SGCE: variants seen among roughly 807,000 people sequenced by gnomAD.
The protein encoded by SGCE is epsilon-sarcoglycan.
A neutral mutation model predicts 57.8 loss-of-function variants in SGCE; 26 were observed. That is an observed-to-expected ratio of 0.45 (90% CI 0.33 to 0.62). The LOEUF is 0.62. Among genes scored for constraint, SGCE ranks in the 20% least tolerant of loss-of-function variants. The pLI, the probability that SGCE is intolerant of heterozygous loss-of-function variation, is 0.02. For synonymous variants in SGCE, 183 were observed against 189.5 expected (o/e 0.97, Z 0.28); for missense variants, 468 against 548.6 (o/e 0.85, Z 1.47).
At chr7:94,590,708 G>T (rs1225583073) in intron 9 of SGCE, 1 of 152,144 alleles carries the variant, frequency 6.6e-6, no homozygotes, top group Non-Finnish European at 1.5e-5. Flanking sequence ...ATAAATGTGA[G>T]GTTGCCTGGG....
At chr7:94,632,542 A>G (rs1301186771) in intron 1 of SGCE, among the ~76,000 whole-genome samples, 4 of 152,124 alleles carry the variant, frequency 2.6e-5, no homozygotes, top group Non-Finnish European at 5.9e-5. Context: ...CTTTAAGTAT[A>G]GTATGCCATT....
intron 1 of SGCE, among the ~76,000 whole-genome samples, chr7:94,644,182 A>C (rs1461771465): frequency 6.6e-6 from 1 of 152,240 alleles, no homozygotes; most frequent in African/African-American, 2.4e-5. Flanking sequence ...CCAGGATATC[A>C]CTGTACATAA....
chr7:94,618,469 C>G, intron 5 of SGCE: 1 of 309,538 alleles, frequency 3.2e-6, no homozygotes, highest in Non-Finnish European at 5.9e-6. Flanking sequence ...ATTCATGGCC[C>G]TAAATAATCA....
At chr7:94,642,741 C>A (rs1806569544) in intron 1 of SGCE, among the ~76,000 whole-genome samples, 1 of 152,170 alleles carries the variant, frequency 6.6e-6, no homozygotes, top group African/African-American at 2.4e-5. Flanking sequence ...AATATCCCAA[C>A]TAGAAGGACA....
intron 8 of SGCE, 126 bp downstream of exon 8, chr7:94,599,570 AC>A: frequency 1.3e-6 from 1 of 792,900 alleles, no homozygotes. Context: ...AGCAGCTTTC[AC>A]ATTTATGAAA....
chr7:94,614,945 A>G (rs761081516), intron 5 of SGCE, among the ~76,000 whole-genome samples: 12 of 152,238 alleles, frequency 7.9e-5, no homozygotes, highest in Non-Finnish European at 1.2e-4. Flanking sequence ...TTTTTTTGTT[A>G]TAAAAATTGA....
chr7:94,631,323 C>G (rs561773694), intron 1 of SGCE, among the ~76,000 whole-genome samples: 15 of 151,272 alleles, frequency 9.9e-5, no homozygotes, highest in Non-Finnish European at 1.9e-4. Context: ...CAGTTTGATA[C>G]CACAATGTAC....
chr7:94,628,079 A>G, intron 3 of SGCE, 123 bp downstream of exon 3: 1 of 721,046 alleles, frequency 1.4e-6, no homozygotes, highest in Non-Finnish European at 2.4e-6. Flanking sequence ...CCATGCACAA[A>G]ATATTAAAAA....
intron 10 of SGCE, chr7:94,587,352 T>G (rs1212390579): frequency 8.8e-6 from 9 of 1,024,410 alleles, no homozygotes; most frequent in Non-Finnish European, 1.1e-5. Context: ...ATACTCAAAA[T>G]AAATATTTAC....
intron 5 of SGCE, among the ~76,000 whole-genome samples, chr7:94,605,252 A>C (rs1056551672): frequency 6.6e-6 from 1 of 152,156 alleles, no homozygotes; most frequent in Admixed American, 6.6e-5. Flanking sequence ...CTAATGAATA[A>C]AGTGAAACTA....
chr7:94,612,403 A>G (rs1439872228), intron 5 of SGCE, among the ~76,000 whole-genome samples: 2 of 152,188 alleles, frequency 1.3e-5, no homozygotes, highest in Non-Finnish European at 2.9e-5. Flanking sequence ...ATTTTAATCT[A>G]ATTGCAATAA....
At chr7:94,618,986 C>A in intron 4 of SGCE, 30 bp from the exon 5 acceptor site, 12 of 1,441,680 alleles carry the variant, frequency 8.3e-6, no homozygotes, top group Non-Finnish European at 1.2e-5. Flanking sequence ...GCATGCATAT[C>A]TTTAATGAAG....
intron 4 of SGCE, 81 bp downstream of exon 4, chr7:94,623,244 T>G: frequency 1.2e-6 from 1 of 858,680 alleles, no homozygotes; most frequent in Non-Finnish European, 1.8e-6. Context: ...TTTAAAATTC[T>G]TGACTATATT....
intron 1 of SGCE, 45 bp from the exon 2 acceptor site, chr7:94,629,886 A>T: frequency 6.2e-7 from 1 of 1,605,622 alleles, no homozygotes. Context: ...ACAAATAATG[A>T]GATACGCCCT....
chr7:94,643,381 G>A (rs1025498590), intron 1 of SGCE, among the ~76,000 whole-genome samples: 3 of 152,198 alleles, frequency 2.0e-5, no homozygotes, highest in African/African-American at 7.2e-5. Context: ...TTGAATTGGT[G>A]TCTCAATTGT....
intron 9 of SGCE, chr7:94,590,122 G>A (rs928449264): frequency 1.3e-5 from 2 of 152,100 alleles, no homozygotes; most frequent in Non-Finnish European, 2.9e-5. Flanking sequence ...ATGTCTGCTT[G>A]AAGCCAACAA....
chr7:94,588,105 A>T, intron 10 of SGCE: 1 of 1,182,912 alleles, frequency 8.5e-7, no homozygotes. Flanking sequence ...GAATGAAATA[A>T]TTGGCTGTGG....
chr7:94,628,192 TG>T lies in SGCE; in HGVS notation c.390+9del, dbSNP rs1295002132. The T allele has an allele frequency of 6.2e-7, 1 of 1,606,746 alleles. No homozygotes were observed. On this transcript the variant is annotated intron_variant, in intron 3 of 10. Coordinates refer to ENST00000648936, the MANE Select transcript of SGCE (RefSeq NM_003919.3). ...TATGTATAGTTTTGCTCTTTCTAGGTGTAAATTACCTCAATGATTGTTGGCT... is the reference window on the plus strand; with the variant it reads ...TATGTATAGTTTTGCTCTTTCTAGGTTAAATTACCTCAATGATTGTTGGCT...
chr7:94,599,894 T>TA, intron 7 of SGCE, 171 bp from the exon 8 acceptor site: 2 of 584,278 alleles, frequency 3.4e-6, no homozygotes, highest in Non-Finnish European at 6.1e-6. Flanking sequence ...TGAGTACACA[T>TA]ACAGCGATGG....
Sources: allele counts gnomAD v4.1 joint callset (sites outside exome capture counted in the v4.1 genomes callset), GRCh38; gene constraint gnomAD v4.1.1; transcripts MANE v1.5; gene names NCBI Gene and HGNC (gene_info 2026-07-23, HGNC 2026-07-21).